Variants in RPS6KA2 observed in about 807,000 individuals in gnomAD.
The protein encoded by RPS6KA2 is ribosomal protein S6 kinase A2, also known as ribosomal protein S6 kinase alpha-2.
Under a neutral mutation model 91.8 loss-of-function variants are expected in RPS6KA2, and 42 were observed. That is an observed-to-expected ratio of 0.46 (90% CI 0.36 to 0.59). The LOEUF (loss-of-function observed/expected upper bound fraction) is 0.59. Among genes scored for constraint, RPS6KA2 ranks in the 20% least tolerant of loss-of-function variants. The pLI is 0.00. For synonymous variants in RPS6KA2, 414 were observed against 393.6 expected (o/e 1.05, Z -0.61); for missense variants, 798 against 978.5 (o/e 0.82, Z 2.46).
Position 166,764,392 on chromosome 6 carries a change from C to T in RPS6KA2, c.123+93808G>A, listed in dbSNP as rs575137541. On this transcript the variant is annotated intron_variant, in intron 2 of 21. Coordinates refer to the RPS6KA2 transcript ENST00000503859. ...CAGGGTGCTTCCTAAAGGAAGGTGT[C>T]GAGAACGGCAAGCTCTGAGGAGGTG... 4.6e-5 allele frequency among the ~76,000 whole-genome samples: 7 copies of T among 152,154 alleles called. No individual in the cohort carries two copies. The South Asian group carries it at 1.5e-3, about 32-fold the overall frequency.
At chr6:166,550,323 A>G (rs896910731) in intron 1 of RPS6KA2, among the ~76,000 whole-genome samples, 1 of 152,200 alleles carries the variant, frequency 6.6e-6, no homozygotes, top group Non-Finnish European at 1.5e-5. Flanking sequence ...GGCAAAATTA[A>G]CTGTGAGTTT....
intron 8 of RPS6KA2, among the ~76,000 whole-genome samples, chr6:166,492,725 T>C (rs561474369): frequency 3.0e-4 from 26 of 87,450 alleles, no homozygotes; most frequent in Admixed American, 2.4e-3. Flanking sequence ...CTTTTCTTTT[T>C]TTTTTTTTTT....
At chr6:166,559,304 G>A (rs1436093339) in intron 1 of RPS6KA2, among the ~76,000 whole-genome samples, 3 of 152,178 alleles carry the variant, frequency 2.0e-5, no homozygotes, top group Non-Finnish European at 2.9e-5. Context: ...AATGCACAGG[G>A]ATAGAGGCAT....
intron 1 of RPS6KA2, among the ~76,000 whole-genome samples, chr6:166,590,882 G>T (rs561541923): frequency 2.0e-5 from 3 of 152,110 alleles, no homozygotes; most frequent in Non-Finnish European, 4.4e-5. Flanking sequence ...TTAGAGTAAG[G>T]CCTTGCTGGA....
intron 2 of RPS6KA2, among the ~76,000 whole-genome samples, chr6:166,744,778 G>T (rs537270850): frequency 6.6e-6 from 1 of 152,290 alleles, no homozygotes; most frequent in East Asian, 1.9e-4. Flanking sequence ...TGGCGGCGGT[G>T]GGGTCGCGAG....
chr6:166,490,810 C>A lies in RPS6KA2; in HGVS notation c.748-69G>T. ...GACCCGGCTTCACGGCAGAGTACCC[C>A]AGCAGGGCAGCCTGCTACCGTGTCC... On this transcript the variant is annotated intron_variant, in intron 8 of 20. Coordinates refer to ENST00000265678, the MANE Select transcript of RPS6KA2 (RefSeq NM_021135.6). The surrounding 1 kb of genome is among the most constrained non-coding windows in gnomAD (Gnocchi z 4.2). The A allele has an allele frequency of 8.5e-7, 1 of 1,171,206 alleles. No individual in the cohort carries two copies. Among genetic ancestry groups the A allele is most frequent in the Non-Finnish European group, 1.3e-6 (1 of 795,416 alleles). The allele number at this position is 1,171,206 out of a possible 1,614,324, so 72.6% of individuals were successfully genotyped here. A position where few individuals can be genotyped will look rare whatever the true frequency, so the allele number is the denominator to read the frequency against.
chr6:166,811,267 ACCG>A (rs777186976), intron 2 of RPS6KA2, among the ~76,000 whole-genome samples: 9 of 152,188 alleles, frequency 5.9e-5, no homozygotes, highest in Non-Finnish European at 1.2e-4. Context: ...GACTGGACTG[ACCG>A]CCAACAGCCC....
intron 11 of RPS6KA2, among the ~76,000 whole-genome samples, chr6:166,461,571 GA>G (rs1242906053): frequency 7.6e-6 from 1 of 131,760 alleles, no homozygotes; most frequent in East Asian, 2.5e-4. Flanking sequence ...CGGAGGGGAG[GA>G]GGGGAGAAAT....
intron 19 of RPS6KA2, among the ~76,000 whole-genome samples, chr6:166,414,263 A>C (rs1672310673): frequency 6.6e-6 from 1 of 152,266 alleles, no homozygotes; most frequent in African/African-American, 2.4e-5. Flanking sequence ...CAAAGGGAAA[A>C]GCTGAAATAA....
intron 1 of RPS6KA2, among the ~76,000 whole-genome samples, chr6:166,575,883 TC>T (rs1375333129): frequency 2.6e-5 from 4 of 152,136 alleles, no homozygotes; most frequent in Non-Finnish European, 4.4e-5. Context: ...TGACTTGAGG[TC>T]CCAAATAAAG....
intron 2 of RPS6KA2, among the ~76,000 whole-genome samples, chr6:166,755,236 C>G (rs887449813): frequency 2.6e-5 from 4 of 152,158 alleles, no homozygotes; most frequent in Non-Finnish European, 5.9e-5. Flanking sequence ...CTGGTCTCTG[C>G]AGTGTGGATT....
At chr6:166,687,665 G>A (rs1383706202) in intron 2 of RPS6KA2, among the ~76,000 whole-genome samples, 1 of 152,228 alleles carries the variant, frequency 6.6e-6, no homozygotes, top group Non-Finnish European at 1.5e-5. Context: ...TTGCTCAGAT[G>A]TGGCTTATTG....
chr6:166,637,940 T>A (rs1787300058), intron 2 of RPS6KA2, among the ~76,000 whole-genome samples: 1 of 152,230 alleles, frequency 6.6e-6, no homozygotes, highest in Non-Finnish European at 1.5e-5. Context: ...CATAACCCCC[T>A]GGATGAGGAA....
chr6:166,769,136 C>T (rs1778397599), intron 2 of RPS6KA2, among the ~76,000 whole-genome samples: 1 of 152,244 alleles, frequency 6.6e-6, no homozygotes, highest in Admixed American at 6.5e-5. Flanking sequence ...AGACCAATGG[C>T]TGTGCCATTG....
At chr6:166,581,047 A>G (rs9295354) in intron 1 of RPS6KA2, among the ~76,000 whole-genome samples, 107,175 of 151,960 alleles carry the variant, frequency 0.71, 39,858 homozygotes, top group East Asian at 0.99. Context: ...GACTACAGAC[A>G]CACCACCACG....
rs933192988 is a variant in RPS6KA2 at position 166,493,623 on chromosome 6, G to C, written c.748-2882C>G. On this transcript the variant is annotated intron_variant, in intron 8 of 20. Coordinates refer to ENST00000265678, the MANE Select transcript of RPS6KA2 (RefSeq NM_021135.6). The surrounding 1 kb of genome is among the most constrained non-coding windows in gnomAD (Gnocchi z 4.7). The stretch of plus-strand genomic sequence containing the variant: ...GACCAGGCTGCAGACAGGCACAGAG[G>C]GGCTCAAGGAGATGTAGCCAAAGCT... 2.6e-5 allele frequency among the ~76,000 whole-genome samples: 4 copies of C among 151,922 alleles called. No homozygotes were observed. Among genetic ancestry groups the C allele is most frequent in the Admixed American group, 1.3e-4 (2 of 15,270 alleles).
chr6:166,704,906 A>G (rs767128101), intron 2 of RPS6KA2, among the ~76,000 whole-genome samples: 5 of 152,142 alleles, frequency 3.3e-5, no homozygotes, highest in Non-Finnish European at 5.9e-5. Context: ...AATTGAATAT[A>G]TTTCTTCTAT....
At chr6:166,428,616 AAAAC>A (rs1779009843) in intron 16 of RPS6KA2, among the ~76,000 whole-genome samples, 2 of 147,872 alleles carry the variant, frequency 1.4e-5, no homozygotes, top group Admixed American at 6.7e-5. Flanking sequence ...AAGAAAAAAA[AAAAC>A]AACCCCATCA....
intron 5 of RPS6KA2, among the ~76,000 whole-genome samples, chr6:166,507,677 C>T (rs967696923): frequency 2.0e-5 from 3 of 150,034 alleles, no homozygotes; most frequent in African/African-American, 7.4e-5. Flanking sequence ...CACAGCATGC[C>T]AAACACACCC....
Sources: allele counts gnomAD v4.1 joint callset (sites outside exome capture counted in the v4.1 genomes callset), GRCh38; gene constraint gnomAD v4.1.1; non-coding constraint Gnocchi (gnomAD v3.1); transcripts MANE v1.5; gene names NCBI Gene and HGNC (gene_info 2026-07-23, HGNC 2026-07-21).